The following OGDH variants were observed in gnomAD, a reference collection of about 807,000 sequenced individuals.
The protein encoded by OGDH is 2-oxoglutarate dehydrogenase complex component E1.
A neutral mutation model predicts 116.6 loss-of-function variants in OGDH; 38 were observed. The ratio of observed to expected loss-of-function variants is 0.33; its 90% confidence interval spans 0.25 to 0.43. The LOEUF is 0.43. Among genes scored for constraint, OGDH ranks in the 20% least tolerant of loss-of-function variants. The pLI is 1.00. For synonymous variants in OGDH, 488 were observed against 533.3 expected (o/e 0.92, Z 1.17); for missense variants, 825 against 1,357.2 (o/e 0.61, Z 6.16).
chr7:44,695,757 T>C (rs1788555141), intron 12 of OGDH, among the ~76,000 whole-genome samples: 1 of 151,276 alleles, frequency 6.6e-6, no homozygotes, highest in African/African-American at 2.4e-5. Context: ...GAGCAGAATC[T>C]CTACCCAGCA....
rs751638056 is a variant in OGDH, at chr7:44,700,261, C to T, written c.2551C>T (p.Arg851Trp). Residue 851 changes from arginine to tryptophan, a missense_variant, in exon 19 of 23, where the codon CGG (arginine) becomes TGG (tryptophan). Transcript: ENST00000222673. ...ACGACGCCAGATCCTGCTGCCATTC[C>T]GGAAGCCGGTCAGTGGCAGGGCCTC... is the stretch of plus-strand genomic sequence containing the variant. ...VLRRQILLPF[R>W]KPLIIFTPKS... 6.2e-7 allele frequency: 1 copy of T among 1,614,122 alleles called. No homozygotes were observed. The highest frequency in any genetic ancestry group is 8.5e-7 in the Non-Finnish European group (1 of 1,179,990).
Position 44,696,922 on chromosome 7 carries a change from C to T in OGDH, c.1909C>T (p.Arg637Trp), listed in dbSNP as rs1788605512. 6.2e-7 allele frequency: 1 copy of T among 1,610,600 alleles called. No individual in the cohort carries two copies. The highest frequency in any genetic ancestry group is 8.5e-7 in the Non-Finnish European group (1 of 1,177,996). ...GAGCTGTGTCTCTGCAGGGCTGAGC[C>T]GGATCTTGAAGACTCGTGGGGAAAT... ...ENFTIHGGLS[R>W]ILKTRGEMVK... Residue 637 changes from arginine to tryptophan, a missense_variant, in exon 15 of 23, where the codon CGG (arginine) becomes TGG (tryptophan). This residue lies in a region of OGDH where 92 missense variants were observed against 129.7 expected (regional missense o/e 0.71). Coordinates refer to ENST00000222673, the MANE Select transcript of OGDH (RefSeq NM_002541.4).
chr7:44,658,904 C>T (rs1562647308), intron 4 of OGDH, among the ~76,000 whole-genome samples: 1 of 152,038 alleles, frequency 6.6e-6, no homozygotes, highest in South Asian at 2.1e-4. Flanking sequence ...GGTGCAATCT[C>T]AGCTCACTGC....
chr7:44,665,945 A>G (rs1041443687), intron 4 of OGDH, among the ~76,000 whole-genome samples: 4 of 152,206 alleles, frequency 2.6e-5, no homozygotes, highest in African/African-American at 9.6e-5. Flanking sequence ...ACTGAGATGC[A>G]CTTTCAGGTG....
intron 1 of OGDH, among the ~76,000 whole-genome samples, chr7:44,608,066 T>A (rs903927668): frequency 2.0e-5 from 3 of 152,126 alleles, no homozygotes; most frequent in Non-Finnish European, 4.4e-5. Context: ...ATAACATCTT[T>A]ATTGAGATAA....
chr7:44,700,387 G>A, intron 19 of OGDH, 118 bp downstream of exon 19: 1 of 1,296,528 alleles, frequency 7.7e-7, no homozygotes, highest in Non-Finnish European at 1.1e-6. Context: ...TGCAGGGGTA[G>A]TGTGGACAGG....
chr7:44,629,859 C>T (rs1785361775), intron 2 of OGDH, among the ~76,000 whole-genome samples: 1 of 152,192 alleles, frequency 6.6e-6, no homozygotes, highest in African/African-American at 2.4e-5. Flanking sequence ...GGATTATGGG[C>T]GTGAGCCATC....
chr7:44,676,015 A>T lies in OGDH; in HGVS notation c.1072A>T (p.Ile358Phe), dbSNP rs571197312. 1 of 1,614,118 alleles carries T rather than the reference A, an allele frequency of 6.2e-7. No individual in the cohort carries two copies. The highest frequency in any genetic ancestry group is 2.2e-5 in the East Asian group (1 of 44,874). ...KYHLGMYHRRINRVTDRNITL... is the reference protein window; with the variant it reads ...KYHLGMYHRRFNRVTDRNITL... ...CCACCTGGGCATGTATCACCGCAGG[A>T]TCAATCGTGTCACCGACAGGAACAT... Residue 358 changes from isoleucine to phenylalanine, a missense_variant, in exon 9 of 23, where the codon ATC (isoleucine) becomes TTC (phenylalanine). Around this residue, in one of 7 missense-constraint regions of OGDH, gnomAD observed 146 missense variants for 317.3 expected, o/e 0.46. Coordinates refer to ENST00000222673, the MANE Select transcript of OGDH (RefSeq NM_002541.4).
chr7:44,658,661 G>T (rs1014303881), intron 4 of OGDH, among the ~76,000 whole-genome samples: 3 of 152,056 alleles, frequency 2.0e-5, no homozygotes, highest in Non-Finnish European at 4.4e-5. Flanking sequence ...AAGGGTAAAA[G>T]CACTGAGTCT....
At chr7:44,634,329 C>G (rs1785573183) in intron 2 of OGDH, among the ~76,000 whole-genome samples, 1 of 152,236 alleles carries the variant, frequency 6.6e-6, no homozygotes, top group Admixed American at 6.5e-5. Flanking sequence ...ACAGACAACC[C>G]TTAGGGACAT....
chr7:44,700,719 A>G (rs1015446059), intron 19 of OGDH, among the ~76,000 whole-genome samples: 1 of 152,180 alleles, frequency 6.6e-6, no homozygotes, highest in Non-Finnish European at 1.5e-5. Flanking sequence ...AGTGATTCAT[A>G]AAAAGGAAGG....
In OGDH at chr7:44,624,488, T is replaced by C; in HGVS notation, c.145T>C (p.Phe49Leu). The C allele has an allele frequency of 6.2e-7, 1 of 1,613,934 alleles. No homozygotes were observed. Among genetic ancestry groups the C allele is most frequent in the Non-Finnish European group, 8.5e-7 (1 of 1,179,986 alleles). Residue 49 changes from phenylalanine (F) to leucine (L), a missense_variant, in exon 2 of 23, where the codon TTT becomes CTT. Transcript: ENST00000222673. Reference protein sequence around the residue: ...CYSAPVAAEPFLSGTSSNYVE... With the variant: ...CYSAPVAAEPLLSGTSSNYVE... ...TTCTGCACCTGTTGCTGCTGAGCCCTTTCTCAGTGGGACTAGTTCGAACTA... is the reference window on the plus strand; with the variant it reads ...TTCTGCACCTGTTGCTGCTGAGCCCCTTCTCAGTGGGACTAGTTCGAACTA...
At chr7:44,615,041 G>A (rs977892135) in intron 1 of OGDH, among the ~76,000 whole-genome samples, 2 of 151,982 alleles carry the variant, frequency 1.3e-5, no homozygotes, top group African/African-American at 2.4e-5. Context: ...TGTTGGCCAG[G>A]CTGGTCTTGA....
chr7:44,692,775 C>G (rs1788416623), intron 10 of OGDH, among the ~76,000 whole-genome samples: 1 of 152,094 alleles, frequency 6.6e-6, no homozygotes, highest in African/African-American at 2.4e-5. Context: ...TGGCTCACAC[C>G]TGTAATCCCA....
chr7:44,652,441 A>T (rs1304000978), intron 4 of OGDH, among the ~76,000 whole-genome samples: 1 of 152,196 alleles, frequency 6.6e-6, no homozygotes, highest in African/African-American at 2.4e-5. Context: ...TGTTAAAGTT[A>T]GGGGCCAGTT....
chr7:44,616,048 C>G (rs1253574364), intron 1 of OGDH, among the ~76,000 whole-genome samples: 1 of 151,608 alleles, frequency 6.6e-6, no homozygotes, highest in South Asian at 2.1e-4. Context: ...AAAAAAAAAC[C>G]TCAATGCTCT....
intron 5 of OGDH, among the ~76,000 whole-genome samples, chr7:44,670,443 C>T (rs1479986176): frequency 6.6e-6 from 1 of 152,094 alleles, no homozygotes; most frequent in Non-Finnish European, 1.5e-5. Flanking sequence ...TGGACCCCAT[C>T]CAAAGAGGGT....
At position 44,677,480 on chromosome 7, in the gene OGDH, G is replaced by T. The variant is rs550187861; in HGVS notation, c.1206+1331G>T. ...GAAGAATGTTTTCTGGAGATGAAAG[G>T]TAAGAGCAAAGATGTAGGGGGAATT... On this transcript the variant is annotated intron_variant, in intron 9 of 22. Transcript: ENST00000222673. 3.0e-4 allele frequency among the ~76,000 whole-genome samples: 46 copies of T among 152,252 alleles called. 1 individual carries two copies. The South Asian group carries it at 6.8e-3, about 23-fold the overall frequency.
intron 4 of OGDH, among the ~76,000 whole-genome samples, chr7:44,648,910 C>G (rs960479387): frequency 1.3e-5 from 2 of 152,118 alleles, no homozygotes; most frequent in African/African-American, 4.8e-5. Flanking sequence ...GTGGTGACAA[C>G]TTTGTGCTCC....
Sources: gnomAD v4.1 joint callset for allele counts (sites outside exome capture counted in the v4.1 genomes callset) on GRCh38, gnomAD v4.1.1 for gene constraint, gnomAD v4.1.1 regional missense constraint, MANE v1.5 for transcripts, NCBI Gene and HGNC (gene_info 2026-07-23, HGNC 2026-07-21) for gene names.